Variants in UBE4B observed in about 807,000 individuals in gnomAD.
UBE4B encodes ubiquitin conjugation factor E4 B.
A neutral mutation model predicts 148.1 loss-of-function variants in UBE4B; 27 were observed. That is an observed-to-expected ratio of 0.18 (90% CI 0.13 to 0.25). The LOEUF is 0.25. Among genes scored for constraint, UBE4B ranks in the 10% least tolerant of loss-of-function variants. The pLI is 1.00. For synonymous variants in UBE4B, 596 were observed against 619.3 expected, an observed-to-expected ratio of 0.96 and a Z score of 0.56; for missense variants, 1,170 against 1,662.4, an observed-to-expected ratio of 0.70 and a Z score of 5.15.
chr1:10,164,937 T>G (rs1376240459), intron 23 of UBE4B, among the ~76,000 whole-genome samples: 3 of 152,194 alleles, frequency 2.0e-5, no homozygotes, highest in Non-Finnish European at 4.4e-5. Flanking sequence ...GATCTCTGTT[T>G]CCTGCCATTT....
chr1:10,051,235 G>A (rs142673569), intron 1 of UBE4B, among the ~76,000 whole-genome samples: 59 of 152,270 alleles, frequency 3.9e-4, no homozygotes, highest in African/African-American at 1.3e-3. Context: ...ATCTTTCTGA[G>A]CCTCAGTTTC....
intron 17 of UBE4B, among the ~76,000 whole-genome samples, chr1:10,142,933 CCCTT>C (rs1172858680): frequency 6.6e-6 from 1 of 152,008 alleles, no homozygotes; most frequent in Non-Finnish European, 1.5e-5. Context: ...CATGGTGAAA[CCCTT>C]TTCTACCAAA....
At position 10,044,119 on chromosome 1, in the gene UBE4B, A is replaced by G. The variant is rs546327254; in HGVS notation, c.24+10425A>G. ...AGTGGCAGGATCTCAGCTCACTGCA[A>G]CCTCCACCTGCCAGGTGCCAGGTTC... On this transcript the variant is annotated intron_variant, in intron 1 of 27. Coordinates refer to ENST00000343090, the MANE Select transcript of UBE4B (RefSeq NM_001105562.3). Among the ~76,000 whole-genome samples, 86 of 151,846 alleles carry G rather than the reference A, an allele frequency of 5.7e-4. 1 individual carries two copies. The highest frequency in any genetic ancestry group is 1.8e-3 in the African/African-American group (76 of 41,408).
intron 7 of UBE4B, chr1:10,107,438 G>T (rs1645133411): frequency 8.1e-7 from 1 of 1,232,108 alleles, no homozygotes. Context: ...ACTTCTATAA[G>T]CTCTAACAAG....
rs17034499 is a variant in UBE4B at position 10,130,715 on chromosome 1, G to A, written c.1813G>A (p.Val605Ile). The A allele has an allele frequency of 5.8e-3, 9,319 of 1,613,918 alleles. 441 individuals carry two copies. The African/African-American group carries it at 0.11, about 19-fold the overall frequency. Residue 605 changes from valine (V) to isoleucine (I), a missense_variant and splice_region_variant, in exon 14 of 28, where the codon GTT becomes ATT. By Grantham distance (29) the Val-to-Ile change is conservative. Around this residue, in one of 6 missense-constraint regions of UBE4B, gnomAD observed 388 missense variants for 536.0 expected, o/e 0.72. Transcript: ENST00000343090. ...CTGCATTTTTTCCTTCTCTTTCCAG[G>A]TTAAAGTGGTTGAAAAATACTTCTC... is the stretch of plus-strand genomic sequence containing the variant. ...FSFSVFAEDDVKVVEKYFSGP... is the reference protein window; with the variant it reads ...FSFSVFAEDDIKVVEKYFSGP...
chr1:10,048,407 G>A (rs917415658), intron 1 of UBE4B, among the ~76,000 whole-genome samples: 1 of 152,150 alleles, frequency 6.6e-6, no homozygotes, highest in Non-Finnish European at 1.5e-5. Context: ...TAATCTGGAA[G>A]TTGTCATTGT....
rs530143007 is a variant in UBE4B, at chr1:10,037,508, A to G, written c.24+3814A>G. ...TCATTATTTACATTATATTAATTCT[A>G]TAATCTACTCATGTGTTGTTTTTCG... On this transcript the variant is annotated intron_variant, in intron 1 of 27. Coordinates refer to ENST00000343090, the MANE Select transcript of UBE4B (RefSeq NM_001105562.3). 3.3e-5 allele frequency among the ~76,000 whole-genome samples: 5 copies of G among 152,260 alleles called. No homozygotes were observed. In the East Asian group the frequency reaches 9.6e-4, roughly 29 times the overall value.
chr1:10,065,541 A>C (rs775708512), intron 1 of UBE4B, among the ~76,000 whole-genome samples: 13 of 152,188 alleles, frequency 8.5e-5, no homozygotes, highest in Admixed American at 2.0e-4. Context: ...GTTAAATGTG[A>C]ACACAATTGA....
Position 10,033,581 on chromosome 1 carries a change from G to C in UBE4B, c.-90G>C. 1 of 1,413,422 alleles carries C rather than the reference G, an allele frequency of 7.1e-7. No homozygotes were observed. The highest frequency in any genetic ancestry group is 9.4e-7 in the Non-Finnish European group (1 of 1,068,982). 87.6% of individuals were successfully genotyped at this position (1,413,422 alleles called of 1,614,324 possible). On this transcript the variant is annotated 5_prime_UTR_variant, in exon 1 of 28. Coordinates refer to ENST00000343090, the MANE Select transcript of UBE4B (RefSeq NM_001105562.3). ...CCCCATTCGGGGGACCAGACAGCCTGATAGACACCTTCCACTCTCCTTCCT... is the reference window on the plus strand; with the variant it reads ...CCCCATTCGGGGGACCAGACAGCCTCATAGACACCTTCCACTCTCCTTCCT...
chr1:10,076,520 A>C (rs1644585321), intron 2 of UBE4B, among the ~76,000 whole-genome samples: 1 of 151,790 alleles, frequency 6.6e-6, no homozygotes, highest in Non-Finnish European at 1.5e-5. Context: ...CTGAGATTAC[A>C]CACGTGAGCT....
At chr1:10,046,855 G>A (rs1643923139) in intron 1 of UBE4B, among the ~76,000 whole-genome samples, 1 of 152,176 alleles carries the variant, frequency 6.6e-6, no homozygotes, top group Admixed American at 6.5e-5. Context: ...GTAGACCGCG[G>A]ACATTCCTCA....
At chr1:10,169,869 G>C (rs1226518159) in intron 24 of UBE4B, among the ~76,000 whole-genome samples, 4 of 152,146 alleles carry the variant, frequency 2.6e-5, no homozygotes, top group African/African-American at 9.7e-5. Context: ...ACAAAAATTA[G>C]CCAGGCGTGG....
intron 8 of UBE4B, 68 bp from the exon 9 acceptor site, chr1:10,119,445 T>C: frequency 6.5e-7 from 1 of 1,528,966 alleles, no homozygotes; most frequent in Non-Finnish European, 9.0e-7. Flanking sequence ...CTTTTAACTC[T>C]TATTTTTAAC....
intron 7 of UBE4B, chr1:10,107,353 C>T: frequency 7.8e-7 from 1 of 1,288,434 alleles, no homozygotes; most frequent in South Asian, 1.2e-5. Flanking sequence ...GATGATTTTT[C>T]TTGTGTCCAG....
Position 10,158,350 on chromosome 1 carries a change from C to G in UBE4B, c.2927-6C>G. ...ATCCCTCAGTACCTTTGTCTTTCTTCTTTAGATGTTGAGCATACCGGAGCC... is the reference window on the plus strand; with the variant it reads ...ATCCCTCAGTACCTTTGTCTTTCTTGTTTAGATGTTGAGCATACCGGAGCC... On this transcript the variant is annotated splice_polypyrimidine_tract_variant and splice_region_variant and intron_variant, in intron 21 of 27. Coordinates refer to ENST00000343090, the MANE Select transcript of UBE4B (RefSeq NM_001105562.3). The G allele has an allele frequency of 1.2e-6, 2 of 1,613,906 alleles. No homozygotes were observed. Among genetic ancestry groups the G allele is most frequent in the Non-Finnish European group, 1.7e-6 (2 of 1,179,936 alleles).
rs1355239404 is a variant in UBE4B, at chr1:10,168,096, A to G, written c.3199-40A>G. 1.3e-6 allele frequency: 2 copies of G among 1,589,594 alleles called. No homozygotes were observed. The highest frequency in any genetic ancestry group is 1.7e-6 in the Non-Finnish European group (2 of 1,164,966). On this transcript the variant is annotated intron_variant, in intron 23 of 27. Coordinates refer to ENST00000343090, the MANE Select transcript of UBE4B (RefSeq NM_001105562.3). This position sits in a 1 kb window ranked among gnomAD's most constrained non-coding sequence, Gnocchi z 4.9. ...TTGGCGCTTTGCTGAGCTGATGACC[A>G]GGACCGAGCCTTACTCAGCGTCTGT...
At chr1:10,095,396 G>T (rs1570877710) in intron 2 of UBE4B, 65 bp from the exon 3 acceptor site, 1 of 1,592,420 alleles carries the variant, frequency 6.3e-7, no homozygotes, top group Non-Finnish European at 8.6e-7. Context: ...GTTTACTGTC[G>T]CTATTACAAA....
intron 17 of UBE4B, 24 bp downstream of exon 17, chr1:10,137,229 T>G: frequency 6.2e-7 from 1 of 1,612,664 alleles, no homozygotes; most frequent in Non-Finnish European, 8.5e-7. Flanking sequence ...TACCGTGTCC[T>G]GGGATTGCCT....
At chr1:10,102,435 G>C (rs1310786561) in intron 4 of UBE4B, among the ~76,000 whole-genome samples, 1 of 99,342 alleles carries the variant, frequency 1.0e-5, no homozygotes, top group Non-Finnish European at 1.9e-5. Flanking sequence ...TTTTGAGACA[G>C]GGCCTCACTC....
Sources: allele counts gnomAD v4.1 joint callset (sites outside exome capture counted in the v4.1 genomes callset), GRCh38; gene constraint gnomAD v4.1.1; regional missense constraint gnomAD v4.1.1; non-coding constraint Gnocchi (gnomAD v3.1); transcripts MANE v1.5; gene names NCBI Gene and HGNC (gene_info 2026-07-23, HGNC 2026-07-21).